The following SHANK2 variants were observed in gnomAD, a reference collection of about 807,000 sequenced individuals.
SHANK2 encodes SH3 and multiple ankyrin repeat domains 2.
A neutral mutation model predicts 133.7 loss-of-function variants in SHANK2; 43 were observed. The ratio of observed to expected loss-of-function variants is 0.32; its 90% CI spans 0.25 to 0.41. The LOEUF (loss-of-function observed/expected upper bound fraction) is 0.41. Among genes scored for constraint, SHANK2 ranks in the 10% least tolerant of loss-of-function variants. The pLI is 1.00. For missense variants in SHANK2, 1,994 were observed against 2,235.8 expected (o/e 0.89, Z 2.18); for synonymous variants, 1,017 against 952.8 (o/e 1.07, Z -1.24).
rs996329039 is a variant in SHANK2, at chr11:70,807,403, C to A, written c.1494-232G>T. ...TCTGCCCCGCACAGACAGAAAGCTG[C>A]CACTCGGGGAGACGTCTGCACACCT... On this transcript the variant is annotated intron_variant, in intron 12 of 25. Coordinates refer to ENST00000601538, the MANE Select transcript of SHANK2 (RefSeq NM_012309.5). This position sits in a 1 kb window ranked among gnomAD's most constrained non-coding sequence, Gnocchi z 4.8. Among the ~76,000 whole-genome samples the A allele has an allele frequency of 6.6e-6, 1 of 152,202 alleles. No individual in the cohort carries two copies. Among genetic ancestry groups the A allele is most frequent in the Non-Finnish European group, 1.5e-5 (1 of 68,036 alleles).
intron 14 of SHANK2, among the ~76,000 whole-genome samples, chr11:70,736,968 A>C (rs1410952686): frequency 6.6e-6 from 1 of 152,128 alleles, no homozygotes; most frequent in Admixed American, 6.5e-5. Context: ...TGGCCTCTAG[A>C]ATCCCAGTTT....
intron 10 of SHANK2, among the ~76,000 whole-genome samples, chr11:70,944,268 C>T (rs1392445499): frequency 2.6e-5 from 4 of 152,242 alleles, no homozygotes; most frequent in Non-Finnish European, 5.9e-5. Flanking sequence ...GAGTCACCCT[C>T]TCCCAGAGCC....
intron 17 of SHANK2, among the ~76,000 whole-genome samples, chr11:70,551,277 G>C (rs1486417279): frequency 6.6e-6 from 1 of 152,142 alleles, no homozygotes; most frequent in Non-Finnish European, 1.5e-5. Context: ...CCTTGAGACG[G>C]AGGCTGGAGC....
chr11:70,599,873 A>AAG (rs2060458016), intron 17 of SHANK2, among the ~76,000 whole-genome samples: 3 of 101,784 alleles, frequency 2.9e-5, no homozygotes, highest in Non-Finnish European at 6.1e-5. Context: ...AAAAGAAAGA[A>AAG]AGAAAGAAAG....
intron 11 of SHANK2, among the ~76,000 whole-genome samples, chr11:70,888,086 G>A (rs1555073889): frequency 6.6e-6 from 1 of 152,140 alleles, no homozygotes; most frequent in Non-Finnish European, 1.5e-5. Flanking sequence ...AATGGCAGGT[G>A]AAGAATCTAG....
intron 17 of SHANK2, among the ~76,000 whole-genome samples, chr11:70,574,068 A>G (rs1444768065): frequency 6.6e-6 from 1 of 152,020 alleles, no homozygotes; most frequent in Non-Finnish European, 1.5e-5. Flanking sequence ...GCGCCGAGGG[A>G]TGGCCAAGCC....
At chr11:70,566,152 TG>T in intron 17 of SHANK2, among the ~76,000 whole-genome samples, 1 of 152,182 alleles carries the variant, frequency 6.6e-6, no homozygotes, top group Middle Eastern at 3.4e-3. Flanking sequence ...GAGAACAGTA[TG>T]GGGGAGAATG....
chr11:71,061,703 G>C (rs992262171), intron 9 of SHANK2, among the ~76,000 whole-genome samples: 1 of 152,150 alleles, frequency 6.6e-6, no homozygotes, highest in Non-Finnish European at 1.5e-5. Context: ...TGGGCCCATC[G>C]GGGTGTCACC....
chr11:70,588,352 CA>C (rs1219090639), intron 17 of SHANK2, among the ~76,000 whole-genome samples: 2 of 152,170 alleles, frequency 1.3e-5, no homozygotes, highest in Non-Finnish European at 2.9e-5. Flanking sequence ...GAAGGCATGT[CA>C]AAAGCTGAGA....
rs182063881 is a variant in SHANK2 at position 70,824,880 on chromosome 11, A to C, written c.1175-4198T>G. 3.4e-4 allele frequency among the ~76,000 whole-genome samples: 52 copies of C among 152,268 alleles called. 1 individual carries two copies. The highest frequency in any genetic ancestry group is 1.2e-3 in the African/African-American group (51 of 41,544). ...CAGTCTCAGAGAGCGATTATCTTTCATTTACAGAGATTACGTGTTGGAAGA... is the reference window on the plus strand; with the variant it reads ...CAGTCTCAGAGAGCGATTATCTTTCCTTTACAGAGATTACGTGTTGGAAGA... On this transcript the variant is annotated intron_variant, in intron 11 of 25. Transcript: ENST00000601538.
rs1362418564 is a variant in SHANK2 at position 71,137,063 on chromosome 11, A to G, written c.207+10057T>C. Among the ~76,000 whole-genome samples, 190 of 152,098 alleles carry G rather than the reference A, an allele frequency of 1.2e-3. 1 individual carries two copies. Among genetic ancestry groups the G allele is most frequent in the Non-Finnish European group, 3.2e-4 (22 of 67,978 alleles). On this transcript the variant is annotated intron_variant, in intron 3 of 25. Transcript: ENST00000601538. ...TTTTTAGTAGAGACTGGATTTCACA[A>G]TGTTGGCCAGGCTGGTCTCAAACTC...
At chr11:70,712,080 G>A (rs1945798235) in intron 14 of SHANK2, among the ~76,000 whole-genome samples, 1 of 152,138 alleles carries the variant, frequency 6.6e-6, no homozygotes, top group Non-Finnish European at 1.5e-5. Flanking sequence ...CCTTCCTGCT[G>A]GAGGCTCCTG....
chr11:70,788,493 T>G (rs1385643917), intron 14 of SHANK2, among the ~76,000 whole-genome samples: 1 of 152,184 alleles, frequency 6.6e-6, no homozygotes, highest in Non-Finnish European at 1.5e-5. Context: ...AGCGCACTCC[T>G]GCTGTCCACA....
At chr11:71,147,776 G>A (rs1262556314) in intron 2 of SHANK2, among the ~76,000 whole-genome samples, 2 of 152,234 alleles carry the variant, frequency 1.3e-5, no homozygotes, top group Admixed American at 6.5e-5. Flanking sequence ...GAAGAAACAT[G>A]GGCTTCAGGT....
chr11:70,786,291 C>T (rs957681052), intron 14 of SHANK2, among the ~76,000 whole-genome samples: 19 of 152,080 alleles, frequency 1.2e-4, no homozygotes, highest in African/African-American at 4.3e-4. Flanking sequence ...GTCTATTAGA[C>T]CAAGCCTCAC....
At chr11:70,522,431 G>A (rs1272235952) in intron 17 of SHANK2, among the ~76,000 whole-genome samples, 2 of 152,220 alleles carry the variant, frequency 1.3e-5, no homozygotes, top group Non-Finnish European at 2.9e-5. Flanking sequence ...GTCCAGGCAC[G>A]GGCGCCCTCC....
At chr11:71,126,084 G>T (rs190290118) in intron 3 of SHANK2, among the ~76,000 whole-genome samples, 1 of 151,856 alleles carries the variant, frequency 6.6e-6, no homozygotes, top group African/African-American at 2.4e-5. Context: ...TGGGTGTGGT[G>T]GCAGGCACCT....
intron 10 of SHANK2, chr11:70,933,228 C>G (rs1025795421): frequency 1.1e-5 from 5 of 456,260 alleles, no homozygotes; most frequent in African/African-American, 2.0e-5. Flanking sequence ...CATGGAGGAA[C>G]CTTGAGGACA....
intron 10 of SHANK2, among the ~76,000 whole-genome samples, chr11:70,913,440 C>T (rs1213499744): frequency 6.6e-6 from 1 of 152,032 alleles, no homozygotes; most frequent in African/African-American, 2.4e-5. Context: ...AAGGCATTTA[C>T]TGTATTAGGA....
Sources: allele counts gnomAD v4.1 joint callset (sites outside exome capture counted in the v4.1 genomes callset), GRCh38; gene constraint gnomAD v4.1.1; non-coding constraint Gnocchi (gnomAD v3.1); transcripts MANE v1.5; gene names NCBI Gene and HGNC (gene_info 2026-07-23, HGNC 2026-07-21).